Variants in EPB41L3 observed in about 807,000 individuals in gnomAD.
EPB41L3 encodes band 4.1-like protein 3.
A neutral mutation model predicts 127.1 loss-of-function variants in EPB41L3; 57 were observed. That is an observed-to-expected ratio of 0.45 (90% confidence interval 0.36 to 0.56). The LOEUF is 0.56. Ranked by LOEUF, EPB41L3 falls within the 20% of genes least tolerant of loss-of-function variation. EPB41L3 has a pLI of 0.00. For missense variants in EPB41L3, 1,273 were observed against 1,372.2 expected, an observed-to-expected ratio of 0.93 and a Z score of 1.14; for synonymous variants, 572 against 549.5, an observed-to-expected ratio of 1.04 and a Z score of -0.57.
chr18:5,548,458 G>A (rs1342689643), upstream of EPB41L3, among the ~76,000 whole-genome samples: 14 of 152,148 alleles, frequency 9.2e-5, 1 homozygote, highest in Non-Finnish European at 1.9e-4. Flanking sequence ...ATAAGATGGA[G>A]CAAGTTTAGG....
At chr18:5,611,389 G>A (rs901823639) in intron 3 of EPB41L3, among the ~76,000 whole-genome samples, 2 of 152,182 alleles carry the variant, frequency 1.3e-5, no homozygotes, top group Non-Finnish European at 2.9e-5. Context: ...AAACAAGTCA[G>A]ACACTTACAT....
intron 22 of EPB41L3, 139 bp from the exon 23 acceptor site, chr18:5,393,617 T>C (rs2143500161): frequency 1.8e-6 from 1 of 561,444 alleles, no homozygotes; most frequent in Non-Finnish European, 3.2e-6. Flanking sequence ...GTTAAGTCAC[T>C]GCCAATTACA....
intron 1 of EPB41L3, among the ~76,000 whole-genome samples, chr18:5,533,166 G>A (rs772062956): frequency 6.6e-5 from 10 of 152,104 alleles, no homozygotes; most frequent in Non-Finnish European, 1.5e-4. Flanking sequence ...AAAAGCCAAC[G>A]TCTGAAAATG....
At chr18:5,624,036 T>C (rs2094895470) in intron 1 of EPB41L3, among the ~76,000 whole-genome samples, 3 of 152,210 alleles carry the variant, frequency 2.0e-5, no homozygotes, top group Admixed American at 1.3e-4. Context: ...GGTCTTGCTC[T>C]GTCACCCAGG....
intron 6 of EPB41L3, among the ~76,000 whole-genome samples, chr18:5,436,102 A>G (rs80266946): frequency 0.089 from 13,488 of 151,918 alleles, 697 homozygotes; most frequent in South Asian, 0.14. Flanking sequence ...TTACAGATAA[A>G]TTACTAACTG....
At chr18:5,530,103 T>G (rs893642519) in intron 1 of EPB41L3, among the ~76,000 whole-genome samples, 2 of 152,178 alleles carry the variant, frequency 1.3e-5, no homozygotes, top group Admixed American at 6.5e-5. Flanking sequence ...ACTTCCTTAG[T>G]TCAGATCATC....
intron 13 of EPB41L3, among the ~76,000 whole-genome samples, chr18:5,410,905 G>A (rs914812830): frequency 2.0e-5 from 3 of 152,132 alleles, no homozygotes; most frequent in Non-Finnish European, 4.4e-5. Flanking sequence ...CAGGGAAACC[G>A]ATTTGTCATC....
At chr18:5,513,615 C>G (rs2092633855) in intron 1 of EPB41L3, among the ~76,000 whole-genome samples, 1 of 152,158 alleles carries the variant, frequency 6.6e-6, no homozygotes, top group South Asian at 2.1e-4. Flanking sequence ...AATGAATTAG[C>G]TGGGTAACTT....
At chr18:5,574,289 C>T (rs1462466333) in intron 3 of EPB41L3, among the ~76,000 whole-genome samples, 3 of 151,386 alleles carry the variant, frequency 2.0e-5, no homozygotes, top group African/African-American at 7.3e-5. Context: ...CCAGACTGGC[C>T]TTGAACTCCT....
chr18:5,584,828 T>C (rs947683397), intron 3 of EPB41L3, among the ~76,000 whole-genome samples: 1 of 152,168 alleles, frequency 6.6e-6, no homozygotes, highest in Non-Finnish European at 1.5e-5. Context: ...TGATTCAAAG[T>C]GAAAATCTGT....
chr18:5,475,536 G>A (rs2087003368), intron 3 of EPB41L3, among the ~76,000 whole-genome samples: 1 of 152,208 alleles, frequency 6.6e-6, no homozygotes, highest in Admixed American at 6.5e-5. Context: ...GAAACAGCCT[G>A]TGATTACAAA....
chr18:5,431,517 A>G (rs2079006095), intron 8 of EPB41L3: 1 of 152,228 alleles, frequency 6.6e-6, no homozygotes, highest in South Asian at 2.1e-4. Flanking sequence ...CACATTATTA[A>G]ATGAAAAGGC....
intron 3 of EPB41L3, among the ~76,000 whole-genome samples, chr18:5,582,108 G>A (rs1326948838): frequency 6.6e-6 from 1 of 152,236 alleles, no homozygotes; most frequent in Non-Finnish European, 1.5e-5. Flanking sequence ...AGAAACATTT[G>A]TTTTATGGTA....
At chr18:5,540,604 G>T (rs1228789773) in intron 1 of EPB41L3, 10 of 957,550 alleles carry the variant, frequency 1.0e-5, no homozygotes, top group Non-Finnish European at 1.2e-5. Flanking sequence ...CAACAAATCA[G>T]CAGCTAGCTA....
intron 16 of EPB41L3, 188 bp from the exon 17 acceptor site, chr18:5,398,331 T>A (rs1001433972): frequency 1.5e-6 from 1 of 677,166 alleles, no homozygotes; most frequent in East Asian, 2.6e-5. Context: ...TCTTGTTTGG[T>A]AAAGCAGAGA....
intron 3 of EPB41L3, among the ~76,000 whole-genome samples, chr18:5,592,915 C>T (rs990664851): frequency 6.6e-6 from 1 of 152,186 alleles, no homozygotes; most frequent in Non-Finnish European, 1.5e-5. Context: ...AAGAAAACAA[C>T]TTTGTATCTT....
At chr18:5,398,436 CAG>C in intron 16 of EPB41L3, 1 of 435,566 alleles carries the variant, frequency 2.3e-6, no homozygotes, top group East Asian at 3.4e-5. Flanking sequence ...ATCTTGGGAA[CAG>C]GGAGCTGGAA....
chr18:5,610,147 C>T lies in EPB41L3; in HGVS notation c.-306+2193G>A, dbSNP rs180723231. ...AAACACAGATTTCAGGACTCACCCA[C>T]ATTATCCACGTCCCAACAAGCAAAG... On this transcript the variant is annotated intron_variant, in intron 3 of 21. Transcript: ENST00000545076. The T allele has an allele frequency of 1.5e-5, 15 of 985,450 alleles. No homozygotes were observed. In the African/African-American group the frequency reaches 2.1e-4, roughly 14 times the overall value. The allele number at this position is 985,450 out of a possible 1,614,324, so 61.0% of individuals were successfully genotyped here.
chr18:5,455,790 C>T (rs1222539554), intron 3 of EPB41L3, among the ~76,000 whole-genome samples: 1 of 150,106 alleles, frequency 6.7e-6, no homozygotes, highest in Admixed American at 6.7e-5. Context: ...CAAAGAGTTT[C>T]ACATCACACA....
Sources: gnomAD v4.1 joint callset for allele counts (sites outside exome capture counted in the v4.1 genomes callset) on GRCh38, gnomAD v4.1.1 for gene constraint, MANE v1.5 for transcripts, NCBI Gene and HGNC (gene_info 2026-07-23, HGNC 2026-07-21) for gene names.